KCNH1: variants seen among roughly 807,000 people sequenced by gnomAD.
KCNH1 encodes the protein potassium voltage-gated channel subfamily H member 1, also known as voltage-gated delayed rectifier potassium channel KCNH1.
KCNH1 carries 27 observed loss-of-function variants against 69.2 expected under a neutral mutation model. The ratio of observed to expected loss-of-function variants is 0.39; its 90% CI spans 0.29 to 0.54. The LOEUF (loss-of-function observed/expected upper bound fraction) is 0.54. Among genes scored for constraint, KCNH1 ranks in the 20% least tolerant of loss-of-function variants. KCNH1 has a pLI of 0.68. For missense variants in KCNH1, 798 were observed against 1,261.6 expected, an observed-to-expected ratio of 0.63 and a Z score of 5.57; for synonymous variants, 456 against 487.7, an observed-to-expected ratio of 0.93 and a Z score of 0.86.
chr1:210,683,418 T>C lies in KCNH1; in HGVS notation c.2833A>G (p.Thr945Ala). 1 of 1,614,156 alleles carries C rather than the reference T, an allele frequency of 6.2e-7. No homozygotes were observed. Among genetic ancestry groups the C allele is most frequent in the East Asian group, 2.2e-5 (1 of 44,874 alleles). ...TCAGAGAGCTGTTTCTCAATATTGGTCATTTTGGCGTTTAAGGCCTTGATG... is the reference window on the plus strand; with the variant it reads ...TCAGAGAGCTGTTTCTCAATATTGGCCATTTTGGCGTTTAAGGCCTTGATG... ...EDIKALNAKM[T>A]NIEKQLSEIL... is the part of the protein sequence containing the mutation. Residue 945 changes from threonine to alanine, a missense_variant, in exon 11 of 11, where the codon ACC becomes GCC. Physicochemically the swap from Thr to Ala is moderately conservative, Grantham distance 58. This residue lies in a region of KCNH1 where 331 missense variants were observed against 363.2 expected (regional missense o/e 0.91). Transcript: ENST00000271751. This position sits in a 1 kb window ranked among gnomAD's most constrained non-coding sequence, Gnocchi z 5.7.
At chr1:210,849,977 A>C (rs1393434235) in intron 7 of KCNH1, among the ~76,000 whole-genome samples, 1 of 152,062 alleles carries the variant, frequency 6.6e-6, no homozygotes, top group Non-Finnish European at 1.5e-5. Context: ...TGACATGTTA[A>C]ATCTACAGAA....
At chr1:211,054,784 C>T (rs1382458929) in intron 5 of KCNH1, among the ~76,000 whole-genome samples, 1 of 145,316 alleles carries the variant, frequency 6.9e-6, no homozygotes, top group Non-Finnish European at 1.5e-5. Context: ...ACCTTTGAAA[C>T]CAATAGAAAA....
At chr1:210,998,782 T>C (rs1689106560) in intron 6 of KCNH1, among the ~76,000 whole-genome samples, 1 of 152,120 alleles carries the variant, frequency 6.6e-6, no homozygotes, top group Admixed American at 6.5e-5. Context: ...CCTCAGCAAA[T>C]GTAAAAGAAC....
At chr1:210,862,169 G>C (rs1377668638) in intron 7 of KCNH1, 1 of 1,350,248 alleles carries the variant, frequency 7.4e-7, no homozygotes, top group Admixed American at 1.7e-5. Flanking sequence ...ATCTGGAGCA[G>C]CGTTGAGACA....
chr1:210,790,797 C>G (rs1684197792), intron 9 of KCNH1, among the ~76,000 whole-genome samples: 1 of 152,180 alleles, frequency 6.6e-6, no homozygotes, highest in Non-Finnish European at 1.5e-5. Context: ...TTAATCTTTA[C>G]AAATCACATC....
At chr1:210,859,611 T>G in intron 7 of KCNH1, 1 of 1,403,874 alleles carries the variant, frequency 7.1e-7, no homozygotes, top group African/African-American at 1.4e-5. Flanking sequence ...CATCATCATA[T>G]TCAGCTTCAT....
chr1:210,760,849 A>G (rs986714056), intron 10 of KCNH1, among the ~76,000 whole-genome samples: 6 of 152,216 alleles, frequency 3.9e-5, no homozygotes, highest in Non-Finnish European at 8.8e-5. Context: ...ATTATTGAAT[A>G]TGATTCAATT....
At chr1:210,994,491 C>G (rs1056224045) in intron 6 of KCNH1, among the ~76,000 whole-genome samples, 18 of 152,128 alleles carry the variant, frequency 1.2e-4, no homozygotes, top group African/African-American at 4.3e-4. Context: ...AGTCACCAAT[C>G]CAGCCTAAGA....
chr1:210,727,607 T>C (rs961901133), intron 10 of KCNH1, among the ~76,000 whole-genome samples: 4 of 151,386 alleles, frequency 2.6e-5, no homozygotes, highest in Admixed American at 2.6e-4. Context: ...TGTATCTAGA[T>C]GTTCTGCCAT....
chr1:210,771,997 G>C (rs1288464642), intron 10 of KCNH1, among the ~76,000 whole-genome samples: 2 of 152,214 alleles, frequency 1.3e-5, no homozygotes, highest in Non-Finnish European at 2.9e-5. Context: ...GCAGAGCTGA[G>C]AGCTAGGTGA....
rs1571648985 is a variant in KCNH1 at position 211,103,499 on chromosome 1, T to C, written c.307A>G (p.Asn103Asp). ...TCAGAATGGTCTCAATACTCACTGT[T>C]CTTCTTGTACATCAGAATTTCAAAG... ...NSFEILMYKKNRTPVWFFVKI... is the reference protein window; with the variant it reads ...NSFEILMYKKDRTPVWFFVKI... Residue 103 changes from asparagine (N) to aspartate (D), a missense_variant, in exon 3 of 11, where the codon AAC (asparagine) becomes GAC (aspartate). Asn to Asp is a conservative substitution (Grantham distance 23). This residue lies in a region of KCNH1 where 266 missense variants were observed against 457.2 expected (regional missense o/e 0.58). Coordinates refer to ENST00000271751, the MANE Select transcript of KCNH1 (RefSeq NM_172362.3). 1 of 1,596,134 alleles carries C rather than the reference T, an allele frequency of 6.3e-7. No individual in the cohort carries two copies. Among genetic ancestry groups the C allele is most frequent in the Non-Finnish European group, 8.6e-7 (1 of 1,164,674 alleles).
chr1:210,945,421 A>T (rs759943962), intron 6 of KCNH1, among the ~76,000 whole-genome samples: 1 of 152,248 alleles, frequency 6.6e-6, no homozygotes, highest in Non-Finnish European at 1.5e-5. Flanking sequence ...GCACTGAAAG[A>T]TTAAGTAACT....
chr1:210,945,755 C>T (rs1687948158), intron 6 of KCNH1, among the ~76,000 whole-genome samples: 1 of 152,194 alleles, frequency 6.6e-6, no homozygotes, highest in African/African-American at 2.4e-5. Context: ...GGCCTTTGCG[C>T]TTGTTTATCC....
chr1:210,979,033 C>A (rs1165358043), intron 6 of KCNH1, among the ~76,000 whole-genome samples: 1 of 152,206 alleles, frequency 6.6e-6, no homozygotes, highest in East Asian at 1.9e-4. Context: ...ACTCCTGCAA[C>A]CTCGGGCTTC....
At chr1:210,737,517 T>C (rs1020503124) in intron 10 of KCNH1, among the ~76,000 whole-genome samples, 1 of 152,222 alleles carries the variant, frequency 6.6e-6, no homozygotes, top group African/African-American at 2.4e-5. Context: ...TCTCAGATCA[T>C]CTCACCCAGT....
At chr1:210,807,163 T>C (rs893137812) in intron 7 of KCNH1, among the ~76,000 whole-genome samples, 12 of 152,094 alleles carry the variant, frequency 7.9e-5, no homozygotes, top group Non-Finnish European at 1.6e-4. Flanking sequence ...TGTCATTTTA[T>C]CACGTGTAGA....
At chr1:210,688,198 GA>G (rs1681448116) in intron 10 of KCNH1, among the ~76,000 whole-genome samples, 1 of 152,172 alleles carries the variant, frequency 6.6e-6, no homozygotes. Flanking sequence ...TTGAATGAAA[GA>G]ACCCCGTCTG....
At chr1:210,867,360 CACAT>C (rs149504871) in intron 7 of KCNH1, among the ~76,000 whole-genome samples, 16,513 of 116,082 alleles carry the variant, frequency 0.14, 1,006 homozygotes, top group Non-Finnish European at 0.21. Flanking sequence ...CACACACACA[CACAT>C]ATATATATAT....
intron 1 of KCNH1, among the ~76,000 whole-genome samples, chr1:211,124,644 G>A (rs1255329129): frequency 1.3e-5 from 2 of 151,934 alleles, no homozygotes; most frequent in Non-Finnish European, 2.9e-5. Context: ...GAGAGAGAGA[G>A]ACCACTTTAT....
Sources: gnomAD v4.1 joint callset for allele counts (sites outside exome capture counted in the v4.1 genomes callset) on GRCh38, gnomAD v4.1.1 for gene constraint, gnomAD v4.1.1 regional missense constraint, Gnocchi (gnomAD v3.1) non-coding constraint, MANE v1.5 for transcripts, NCBI Gene and HGNC (gene_info 2026-07-23, HGNC 2026-07-21) for gene names.